The following NALF1 variants were observed in gnomAD, a reference collection of about 807,000 sequenced individuals.
NALF1 encodes NALCN channel auxiliary factor 1, also known as family with sequence similarity 155 member A.
In NALF1, 3 loss-of-function variants were observed where a neutral mutation model predicts 48.4. That is an observed-to-expected ratio of 0.06 (90% CI 0.03 to 0.16). The LOEUF (loss-of-function observed/expected upper bound fraction) is 0.16. Among genes scored for constraint, NALF1 ranks in the 10% least tolerant of loss-of-function variants. NALF1 has a pLI of 1.00. For missense variants in NALF1, 526 were observed against 571.5 expected, an observed-to-expected ratio of 0.92 and a Z score of 0.81; for synonymous variants, 262 against 245.7, an observed-to-expected ratio of 1.07 and a Z score of -0.62.
intron 2 of NALF1, among the ~76,000 whole-genome samples, chr13:107,172,637 T>C (rs1878830454): frequency 6.6e-6 from 1 of 152,182 alleles, no homozygotes. Context: ...TTTTATTGTA[T>C]GATATTTTCT....
chr13:107,619,748 C>A (rs919277427), intron 1 of NALF1, among the ~76,000 whole-genome samples: 1 of 152,100 alleles, frequency 6.6e-6, no homozygotes, highest in African/African-American at 2.4e-5. Context: ...TCAAGTTGCA[C>A]AACTAGCTAA....
intron 1 of NALF1, among the ~76,000 whole-genome samples, chr13:107,318,067 C>G (rs61965552): frequency 6.6e-6 from 1 of 151,822 alleles, no homozygotes; most frequent in African/African-American, 2.4e-5. Context: ...CATGCAAATA[C>G]GGTAAGGAGA....
At chr13:107,748,050 C>T (rs888519740) in intron 1 of NALF1, among the ~76,000 whole-genome samples, 10 of 152,094 alleles carry the variant, frequency 6.6e-5, no homozygotes, top group Admixed American at 3.9e-4. Context: ...TTCATTCTAA[C>T]GTAACAACAA....
intron 1 of NALF1, among the ~76,000 whole-genome samples, chr13:107,707,116 G>A (rs559280678): frequency 1.3e-5 from 2 of 151,196 alleles, no homozygotes; most frequent in Admixed American, 6.6e-5. Context: ...TAGAGACGGG[G>A]TTTCACCGTT....
intron 1 of NALF1, among the ~76,000 whole-genome samples, chr13:107,827,450 G>A (rs1879554905): frequency 2.6e-5 from 4 of 152,112 alleles, no homozygotes; most frequent in Admixed American, 2.6e-4. Context: ...GAGTCAGACG[G>A]CTTGTTGCAG....
At chr13:107,549,357 C>A (rs1877225898) in intron 1 of NALF1, among the ~76,000 whole-genome samples, 2 of 151,950 alleles carry the variant, frequency 1.3e-5, no homozygotes, top group Non-Finnish European at 2.9e-5. Flanking sequence ...TTGAATAAAC[C>A]TGAAATTTTT....
intron 2 of NALF1, among the ~76,000 whole-genome samples, chr13:107,200,038 C>A (rs372975296): frequency 4.6e-5 from 7 of 152,220 alleles, no homozygotes; most frequent in East Asian, 3.9e-4. Flanking sequence ...ATGTGTCTGG[C>A]ACTTTTTTGG....
At chr13:107,851,968 G>A (rs890992068) in intron 1 of NALF1, among the ~76,000 whole-genome samples, 1 of 150,166 alleles carries the variant, frequency 6.7e-6, no homozygotes, top group Non-Finnish European at 1.5e-5. Flanking sequence ...CACCATGCCC[G>A]GCTATTTTTT....
chr13:107,826,681 A>T (rs1229391523), intron 1 of NALF1, among the ~76,000 whole-genome samples: 3 of 152,250 alleles, frequency 2.0e-5, no homozygotes, highest in Non-Finnish European at 4.4e-5. Flanking sequence ...AGACCAGTGG[A>T]GAAGACCACA....
At chr13:107,342,544 C>A (rs189862180) in intron 1 of NALF1, among the ~76,000 whole-genome samples, 1 of 152,064 alleles carries the variant, frequency 6.6e-6, no homozygotes, top group Non-Finnish European at 1.5e-5. Flanking sequence ...ATGAGTACAA[C>A]GATGAACAGC....
chr13:107,849,991 A>C (rs143207647), intron 1 of NALF1, among the ~76,000 whole-genome samples: 5 of 152,306 alleles, frequency 3.3e-5, no homozygotes, highest in African/African-American at 4.8e-5. Context: ...TTCCTTTTCA[A>C]CAATTTGTAT....
chr13:107,803,177 T>C (rs926618887), intron 1 of NALF1, among the ~76,000 whole-genome samples: 3 of 152,172 alleles, frequency 2.0e-5, no homozygotes, highest in Non-Finnish European at 4.4e-5. Flanking sequence ...TGAAGGAAGG[T>C]AGCTGAGCTG....
chr13:107,373,311 A>G (rs560489203), intron 1 of NALF1, among the ~76,000 whole-genome samples: 1 of 152,316 alleles, frequency 6.6e-6, no homozygotes, highest in East Asian at 1.9e-4. Context: ...AATTCTCTGG[A>G]GATCGAAGAT....
At chr13:107,740,236 A>G (rs1876592990) in intron 1 of NALF1, among the ~76,000 whole-genome samples, 1 of 152,198 alleles carries the variant, frequency 6.6e-6, no homozygotes, top group African/African-American at 2.4e-5. Flanking sequence ...GTAAAATTAT[A>G]TTTATATGAA....
intron 1 of NALF1, chr13:107,835,536 G>A (rs1000529743): frequency 6.6e-6 from 1 of 152,196 alleles, no homozygotes. Context: ...TTTGTCACTT[G>A]AGGCTTTTTT....
At chr13:107,545,523 G>T (rs1189371185) in intron 1 of NALF1, among the ~76,000 whole-genome samples, 1 of 152,138 alleles carries the variant, frequency 6.6e-6, no homozygotes, top group Non-Finnish European at 1.5e-5. Context: ...GTTTATCTCA[G>T]GAAGGAAGGA....
At position 107,164,693 on chromosome 13, in the gene NALF1, A is replaced by G. The variant is rs1456565991; in HGVS notation, c.*5804T>C. 1 of 152,166 alleles carries G rather than the reference A, an allele frequency of 6.6e-6. No homozygotes were observed. The highest frequency in any genetic ancestry group is 1.5e-5 in the Non-Finnish European group (1 of 68,048). The allele number at this position is 152,166 out of a possible 1,614,324, so 9.4% of individuals were successfully genotyped here. On this transcript the variant is annotated 3_prime_UTR_variant, in exon 3 of 3. Coordinates refer to ENST00000375915, the MANE Select transcript of NALF1 (RefSeq NM_001080396.3). ...GCCAATGCTGTTTATATTAAAAGTC[A>G]TCAGAGCTCACTTTAGTTCTGTAAT...
intron 1 of NALF1, among the ~76,000 whole-genome samples, chr13:107,324,540 C>A (rs894177303): frequency 6.6e-6 from 1 of 152,062 alleles, no homozygotes; most frequent in Non-Finnish European, 1.5e-5. Flanking sequence ...AGAAGAAAAT[C>A]CCTAAATTCC....
rs185944985 is a variant in NALF1 at position 107,675,308 on chromosome 13, C to T, written c.915+190374G>A. On this transcript the variant is annotated intron_variant, in intron 1 of 2. Coordinates refer to ENST00000375915, the MANE Select transcript of NALF1 (RefSeq NM_001080396.3). ...TATAGGCTCTGGGGCTGCAGGCTCACGTCTGGATCCCAAAATTCTCACTGT... is the reference window on the plus strand; with the variant it reads ...TATAGGCTCTGGGGCTGCAGGCTCATGTCTGGATCCCAAAATTCTCACTGT... Among the ~76,000 whole-genome samples the T allele has an allele frequency of 1.4e-4, 21 of 152,238 alleles. 1 individual carries two copies. Among genetic ancestry groups the T allele is most frequent in the Admixed American group, 9.8e-4 (15 of 15,292 alleles).
Sources: allele counts gnomAD v4.1 joint callset (sites outside exome capture counted in the v4.1 genomes callset), GRCh38; gene constraint gnomAD v4.1.1; transcripts MANE v1.5; gene names NCBI Gene and HGNC (gene_info 2026-07-23, HGNC 2026-07-21).